Variants in PTPRT observed in about 807,000 individuals in gnomAD.
PTPRT encodes receptor-type tyrosine-protein phosphatase T.
In PTPRT, 56 loss-of-function variants were observed where a neutral mutation model predicts 176.8. That is an observed-to-expected ratio of 0.32 (90% CI 0.26 to 0.40). PTPRT has a LOEUF of 0.40. Ranked by LOEUF, PTPRT falls within the 10% of genes least tolerant of loss-of-function variation. The pLI is 1.00. For missense variants in PTPRT, 1,540 were observed against 1,908.2 expected, an observed-to-expected ratio of 0.81 and a Z score of 3.60; for synonymous variants, 783 against 739.0, an observed-to-expected ratio of 1.06 and a Z score of -0.96.
chr20:42,726,744 C>T (rs906508891), intron 6 of PTPRT, among the ~76,000 whole-genome samples: 4 of 152,210 alleles, frequency 2.6e-5, no homozygotes, highest in African/African-American at 9.6e-5. Flanking sequence ...CTCTCTTGTC[C>T]TCCTCCTGCC....
At chr20:42,620,195 C>G (rs1427619105) in intron 7 of PTPRT, among the ~76,000 whole-genome samples, 1 of 148,174 alleles carries the variant, frequency 6.7e-6, no homozygotes, top group African/African-American at 2.6e-5. Flanking sequence ...TTGGAATACC[C>G]TGCCTTGTGA....
At chr20:42,166,559 T>C (rs964627720) in intron 16 of PTPRT, among the ~76,000 whole-genome samples, 4 of 152,220 alleles carry the variant, frequency 2.6e-5, no homozygotes, top group African/African-American at 9.6e-5. Context: ...TAGTGCAACA[T>C]AAAATCATGA....
chr20:42,961,876 G>A lies in PTPRT; in HGVS notation c.89-75944C>T, dbSNP rs73101908. Among the ~76,000 whole-genome samples, 18 of 152,272 alleles carry A rather than the reference G, an allele frequency of 1.2e-4. No individual in the cohort carries two copies. In the South Asian group the frequency reaches 2.5e-3, roughly 21 times the overall value. On this transcript the variant is annotated intron_variant, in intron 1 of 30. Transcript: ENST00000373187. Reference sequence around the variant, plus strand: ...CAAACGTCCTTATAAGTGAAGGAGCGGGGCGGGAGGGTCAGAGAAGGAGGC... The same window carrying A: ...CAAACGTCCTTATAAGTGAAGGAGCAGGGCGGGAGGGTCAGAGAAGGAGGC...
intron 9 of PTPRT, among the ~76,000 whole-genome samples, chr20:42,429,778 C>T (rs1601010245): frequency 6.6e-6 from 1 of 152,200 alleles, no homozygotes; most frequent in Non-Finnish European, 1.5e-5. Context: ...AAGTAGGAAG[C>T]CCTCATCCAG....
At chr20:42,859,585 A>ATT (rs1568640777) in intron 2 of PTPRT, among the ~76,000 whole-genome samples, 12 of 114,370 alleles carry the variant, frequency 1.0e-4, no homozygotes, top group African/African-American at 2.6e-4. Context: ...TTTTTTTTTT[A>ATT]ATTTTTTTTT....
chr20:42,731,692 AG>A (rs1177680418), intron 6 of PTPRT, among the ~76,000 whole-genome samples: 2 of 152,188 alleles, frequency 1.3e-5, no homozygotes, highest in Admixed American at 1.3e-4. Flanking sequence ...TGGGATGTCC[AG>A]CAAGCCCCTT....
intron 9 of PTPRT, among the ~76,000 whole-genome samples, chr20:42,416,010 T>C (rs982293350): frequency 6.6e-6 from 1 of 152,188 alleles, no homozygotes. Flanking sequence ...TGTAGTGGGT[T>C]GAATGGTGAC....
intron 1 of PTPRT, among the ~76,000 whole-genome samples, chr20:43,044,216 G>A (rs1986744381): frequency 6.6e-6 from 1 of 152,054 alleles, no homozygotes; most frequent in South Asian, 2.1e-4. Context: ...CAGCAGAAGG[G>A]CAAATCCACA....
the PTPRT span, among the ~76,000 whole-genome samples, chr20:42,055,983 A>T: frequency 3.3e-5 from 5 of 152,166 alleles, no homozygotes; most frequent in Non-Finnish European, 7.4e-5. Context: ...CACCACATGC[A>T]TCATGCTGCC....
At chr20:43,090,830 A>G (rs2011813803) in intron 1 of PTPRT, among the ~76,000 whole-genome samples, 1 of 152,228 alleles carries the variant, frequency 6.6e-6, no homozygotes, top group African/African-American at 2.4e-5. Context: ...CAAAATAAAC[A>G]GGAGGAAATA....
intron 4 of PTPRT, among the ~76,000 whole-genome samples, chr20:42,777,781 T>C (rs1459108916): frequency 6.6e-6 from 1 of 152,228 alleles, no homozygotes; most frequent in African/African-American, 2.4e-5. Context: ...TGCTAGGCCC[T>C]ACTCAACTCC....
At chr20:43,017,917 C>A (rs1985452707) in intron 1 of PTPRT, among the ~76,000 whole-genome samples, 1 of 152,180 alleles carries the variant, frequency 6.6e-6, no homozygotes, top group Admixed American at 6.5e-5. Context: ...GCTCAGATTC[C>A]CCTAGAAAGG....
At chr20:42,651,212 T>C (rs1276395994) in intron 7 of PTPRT, among the ~76,000 whole-genome samples, 2 of 152,074 alleles carry the variant, frequency 1.3e-5, no homozygotes, top group African/African-American at 4.8e-5. Context: ...AGTCTAAAAA[T>C]GATGGTATTG....
At chr20:42,100,528 T>A (rs1985831744) in intron 26 of PTPRT, among the ~76,000 whole-genome samples, 1 of 152,180 alleles carries the variant, frequency 6.6e-6, no homozygotes, top group Admixed American at 6.6e-5. Context: ...ACAATCAGCA[T>A]CAGAGCTTGG....
intron 9 of PTPRT, among the ~76,000 whole-genome samples, chr20:42,438,093 A>C (rs2059278956): frequency 6.6e-6 from 1 of 152,224 alleles, no homozygotes; most frequent in Non-Finnish European, 1.5e-5. Context: ...GGCCATGTGC[A>C]CAGAAGGACA....
chr20:42,119,649 T>C (rs933463461), intron 20 of PTPRT, among the ~76,000 whole-genome samples: 3 of 152,330 alleles, frequency 2.0e-5, no homozygotes, highest in Non-Finnish European at 2.9e-5. Context: ...TGAAGCTCCT[T>C]GCTCTGTCAC....
chr20:42,324,290 A>C (rs1479987140), intron 11 of PTPRT, among the ~76,000 whole-genome samples: 2 of 152,206 alleles, frequency 1.3e-5, no homozygotes. Context: ...GTATGATTCT[A>C]TTCGTATTTA....
intron 4 of PTPRT, among the ~76,000 whole-genome samples, chr20:42,774,739 G>A (rs2077109883): frequency 6.6e-6 from 1 of 152,164 alleles, no homozygotes; most frequent in Non-Finnish European, 1.5e-5. Flanking sequence ...GGCCAACCCC[G>A]AGTACAGTTC....
intron 7 of PTPRT, among the ~76,000 whole-genome samples, chr20:42,542,741 T>TATCTATTAG (rs1416161946): frequency 6.6e-6 from 1 of 152,198 alleles, no homozygotes; most frequent in Non-Finnish European, 1.5e-5. Context: ...ACTACTTATA[T>TATCTATTAG]ATCTATTAGC....
Sources: gnomAD v4.1 joint callset for allele counts (sites outside exome capture counted in the v4.1 genomes callset) on GRCh38, gnomAD v4.1.1 for gene constraint, MANE v1.5 for transcripts, NCBI Gene and HGNC (gene_info 2026-07-23, HGNC 2026-07-21) for gene names.